Variants in TENM2 observed in about 807,000 individuals in gnomAD.
TENM2 encodes the protein teneurin-2.
Under a neutral mutation model 245.2 loss-of-function variants are expected in TENM2, and 52 were observed. The ratio of observed to expected loss-of-function variants is 0.21; its 90% CI spans 0.17 to 0.27. TENM2 has a LOEUF of 0.27. Among genes scored for constraint, TENM2 ranks in the 10% least tolerant of loss-of-function variants. The pLI, the probability that TENM2 is intolerant of heterozygous loss-of-function variation, is 1.00. For missense variants in TENM2, 3,046 were observed against 3,666.8 expected (o/e 0.83, Z 4.37); for synonymous variants, 1,363 against 1,438.9 (o/e 0.95, Z 1.19).
intron 2 of TENM2, among the ~76,000 whole-genome samples, chr5:167,860,965 G>T (rs1771736545): frequency 8.1e-6 from 1 of 123,704 alleles, no homozygotes; most frequent in Non-Finnish European, 1.7e-5. Context: ...TTGTTTATCT[G>T]CTGACCTTCC....
the TENM2 span, among the ~76,000 whole-genome samples, chr5:167,102,085 G>A: frequency 6.7e-6 from 1 of 150,368 alleles, no homozygotes; most frequent in Non-Finnish European, 1.5e-5. Context: ...AATTAGCCAG[G>A]TGTGGTGGCA....
chr5:167,860,257 G>A (rs1472466855), intron 2 of TENM2, among the ~76,000 whole-genome samples: 20 of 110,764 alleles, frequency 1.8e-4, no homozygotes, highest in Middle Eastern at 6.4e-3. Flanking sequence ...CAGCCCCCCC[G>A]CCCGGCCAGC....
At chr5:167,911,670 T>A (rs1226907854) in intron 3 of TENM2, among the ~76,000 whole-genome samples, 2 of 152,298 alleles carry the variant, frequency 1.3e-5, no homozygotes, top group East Asian at 3.9e-4. Flanking sequence ...GCAGGAGTAC[T>A]CACCATGGCG....
chr5:167,570,414 G>A (rs1582415768), intron 2 of TENM2, among the ~76,000 whole-genome samples: 1 of 143,494 alleles, frequency 7.0e-6, no homozygotes, highest in Non-Finnish European at 1.5e-5. Flanking sequence ...CTCTTAAAAC[G>A]GCTGTTTTCA....
chr5:167,663,783 C>T (rs1045240572), intron 2 of TENM2, among the ~76,000 whole-genome samples: 2 of 151,994 alleles, frequency 1.3e-5, no homozygotes, highest in Admixed American at 6.6e-5. Flanking sequence ...ATTTAGTGAA[C>T]ATATATGCGT....
chr5:167,469,108 G>A (rs1358851427), intron 2 of TENM2, among the ~76,000 whole-genome samples: 1 of 152,128 alleles, frequency 6.6e-6, no homozygotes, highest in Non-Finnish European at 1.5e-5. Context: ...TACGCTACAT[G>A]GAGTGCTTAA....
At chr5:168,027,864 A>G (rs995296810) in intron 5 of TENM2, among the ~76,000 whole-genome samples, 2 of 152,224 alleles carry the variant, frequency 1.3e-5, no homozygotes, top group African/African-American at 4.8e-5. Flanking sequence ...CCTGTCTAAG[A>G]AGTGTAGCAC....
At chr5:167,533,928 C>T (rs1771686439) in intron 2 of TENM2, among the ~76,000 whole-genome samples, 1 of 152,150 alleles carries the variant, frequency 6.6e-6, no homozygotes, top group Admixed American at 6.5e-5. Flanking sequence ...ACTCCTGTCA[C>T]TTGTTAGACT....
intron 2 of TENM2, among the ~76,000 whole-genome samples, chr5:167,575,048 G>T (rs749534296): frequency 6.8e-6 from 1 of 147,990 alleles, no homozygotes; most frequent in Non-Finnish European, 1.5e-5. Flanking sequence ...CTCAGTCTTT[G>T]TTGATTCTGT....
the TENM2 span, among the ~76,000 whole-genome samples, chr5:166,985,640 T>C: frequency 2.6e-4 from 40 of 152,150 alleles, no homozygotes; most frequent in African/African-American, 8.9e-4. Flanking sequence ...CAAATTTATT[T>C]ATTATATTTA....
chr5:168,003,260 G>A (rs566320259), intron 5 of TENM2, among the ~76,000 whole-genome samples: 103 of 151,164 alleles, frequency 6.8e-4, no homozygotes, highest in Non-Finnish European at 1.3e-3. Context: ...ATCAAATGAT[G>A]ACATTATCTT....
At chr5:168,117,851 A>G (rs1795190285) in intron 9 of TENM2, among the ~76,000 whole-genome samples, 1 of 152,200 alleles carries the variant, frequency 6.6e-6, no homozygotes, top group African/African-American at 2.4e-5. Flanking sequence ...CAGAACAACC[A>G]TAAGGACGTC....
At chr5:167,579,445 T>G (rs1265485667) in intron 2 of TENM2, among the ~76,000 whole-genome samples, 2 of 152,212 alleles carry the variant, frequency 1.3e-5, no homozygotes, top group Non-Finnish European at 2.9e-5. Flanking sequence ...CATTATTGTC[T>G]GTTATTTGTT....
chr5:167,066,474 G>T, the TENM2 span, among the ~76,000 whole-genome samples: 1 of 151,822 alleles, frequency 6.6e-6, no homozygotes, highest in Non-Finnish European at 1.5e-5. Flanking sequence ...TTGGTGTGCT[G>T]CACCCATTAA....
the TENM2 span, among the ~76,000 whole-genome samples, chr5:167,092,405 G>A: frequency 6.6e-6 from 1 of 151,988 alleles, no homozygotes; most frequent in Non-Finnish European, 1.5e-5. Flanking sequence ...TTACAATCTG[G>A]TCCTTTCTAG....
At chr5:167,368,559 G>T (rs1460401896) in intron 1 of TENM2, among the ~76,000 whole-genome samples, 3 of 151,878 alleles carry the variant, frequency 2.0e-5, no homozygotes, top group African/African-American at 2.4e-5. Context: ...CTATATCCTG[G>T]CCAATTGAAA....
intron 2 of TENM2, among the ~76,000 whole-genome samples, chr5:167,859,742 A>G (rs1403354051): frequency 1.6e-4 from 13 of 80,356 alleles, no homozygotes; most frequent in East Asian, 4.9e-4. Context: ...TGGGGGGATC[A>G]GCCCCCCGCC....
At chr5:167,253,080 G>T in the TENM2 span, among the ~76,000 whole-genome samples, 16 of 151,740 alleles carry the variant, frequency 1.1e-4, no homozygotes, top group Admixed American at 8.5e-4. Flanking sequence ...TGTGGCTTTG[G>T]GTGTCTTTTT....
chr5:168,184,892 T>C (rs1378212203), intron 13 of TENM2, among the ~76,000 whole-genome samples: 2 of 152,200 alleles, frequency 1.3e-5, no homozygotes, highest in Non-Finnish European at 1.5e-5. Context: ...GACAAAAACC[T>C]ATAGCCAGCA....
Sources: allele counts gnomAD v4.1 joint callset (sites outside exome capture counted in the v4.1 genomes callset), GRCh38; gene constraint gnomAD v4.1.1; transcripts MANE v1.5; gene names NCBI Gene and HGNC (gene_info 2026-07-23, HGNC 2026-07-21).